The following MACROD2 variants were observed in gnomAD, a reference collection of about 807,000 sequenced individuals.
MACROD2 encodes the protein ADP-ribose glycohydrolase MACROD2.
In MACROD2, 36 loss-of-function variants were observed where a neutral mutation model predicts 70.4. The observed-to-expected ratio is 0.51, with a 90% CI of 0.39 to 0.68. The LOEUF (loss-of-function observed/expected upper bound fraction) is 0.68, where lower values mean the gene tolerates loss of function less well. Among genes scored for constraint, MACROD2 ranks in the 30% least tolerant of loss-of-function variants. The pLI is 0.00. For missense variants in MACROD2, 496 were observed against 538.4 expected, an observed-to-expected ratio of 0.92 and a Z score of 0.78; for synonymous variants, 172 against 178.8, an observed-to-expected ratio of 0.96 and a Z score of 0.30.
intron 10 of MACROD2, among the ~76,000 whole-genome samples, chr20:15,903,170 G>A (rs1413808848): frequency 1.3e-5 from 2 of 152,110 alleles, no homozygotes; most frequent in Non-Finnish European, 2.9e-5. Flanking sequence ...GAGGTCAGGA[G>A]TTCGAGGCTA....
chr20:15,126,014 A>G (rs916673169), intron 5 of MACROD2, among the ~76,000 whole-genome samples: 26 of 150,302 alleles, frequency 1.7e-4, no homozygotes, highest in Admixed American at 1.1e-3. Context: ...TCAGTACTTC[A>G]TTCCTTTTTA....
chr20:14,380,936 T>C (rs1360623685), intron 3 of MACROD2, among the ~76,000 whole-genome samples: 1 of 152,200 alleles, frequency 6.6e-6, no homozygotes, highest in Admixed American at 6.5e-5. Flanking sequence ...CAGTATTCAG[T>C]ATTTATTTGT....
intron 5 of MACROD2, among the ~76,000 whole-genome samples, chr20:14,719,370 T>C (rs2071436152): frequency 6.6e-6 from 1 of 151,936 alleles, no homozygotes; most frequent in Admixed American, 6.6e-5. Context: ...TCCTAGTTTT[T>C]CCCATGGTCT....
intron 6 of MACROD2, among the ~76,000 whole-genome samples, chr20:15,397,267 TCTTG>T (rs1354456279): frequency 1.3e-5 from 2 of 152,142 alleles, no homozygotes; most frequent in East Asian, 1.9e-4. Context: ...TATTTTAGCT[TCTTG>T]CTTTTTCTTT....
intron 8 of MACROD2, among the ~76,000 whole-genome samples, chr20:15,721,813 T>C (rs984126762): frequency 1.3e-5 from 2 of 152,150 alleles, no homozygotes; most frequent in Non-Finnish European, 2.9e-5. Flanking sequence ...CAAATAAATA[T>C]TCCTGATAAC....
intron 5 of MACROD2, among the ~76,000 whole-genome samples, chr20:14,727,642 T>C (rs1932947): frequency 0.93 from 141,172 of 152,268 alleles, 65,502 homozygotes; most frequent in East Asian, 1. Flanking sequence ...GTTACCTGCC[T>C]GCTATACCAA....
chr20:15,016,222 G>C (rs6074823), intron 5 of MACROD2, among the ~76,000 whole-genome samples: 19,518 of 152,184 alleles, frequency 0.13, 1,716 homozygotes, highest in East Asian at 0.3. Flanking sequence ...TATTATAACA[G>C]TCATGAAAAG....
chr20:14,610,143 A>G (rs984687958), intron 4 of MACROD2, among the ~76,000 whole-genome samples: 2 of 152,172 alleles, frequency 1.3e-5, no homozygotes, highest in Admixed American at 6.6e-5. Context: ...CAAGAACAGC[A>G]AAACTAACTT....
At chr20:14,411,910 G>A (rs1441852939) in intron 3 of MACROD2, among the ~76,000 whole-genome samples, 2 of 152,072 alleles carry the variant, frequency 1.3e-5, no homozygotes. Context: ...CTTAAAACCA[G>A]TGGAAGACGG....
At chr20:15,933,186 C>A in intron 10 of MACROD2, 90 bp from the exon 11 acceptor site, 1 of 1,283,732 alleles carries the variant, frequency 7.8e-7, no homozygotes, top group Non-Finnish European at 1.1e-6. Flanking sequence ...ACATTGGTTA[C>A]AATTAATTTC....
intron 5 of MACROD2, among the ~76,000 whole-genome samples, chr20:14,836,059 A>C (rs1170109775): frequency 6.6e-6 from 1 of 152,100 alleles, no homozygotes; most frequent in East Asian, 1.9e-4. Flanking sequence ...CCCAAAGAGT[A>C]GATTATTTGT....
chr20:14,111,486 T>G (rs922193023), intron 3 of MACROD2, among the ~76,000 whole-genome samples: 1 of 151,958 alleles, frequency 6.6e-6, no homozygotes, highest in African/African-American at 2.4e-5. Flanking sequence ...AACCAGAATA[T>G]GTAAGGAGCT....
chr20:14,741,248 G>C (rs1259389141), intron 5 of MACROD2, among the ~76,000 whole-genome samples: 1 of 152,046 alleles, frequency 6.6e-6, no homozygotes, highest in African/African-American at 2.4e-5. Context: ...ACTTGATTTA[G>C]GCACTCTGTT....
At chr20:15,663,076 G>C (rs1291865505) in intron 8 of MACROD2, among the ~76,000 whole-genome samples, 2 of 152,150 alleles carry the variant, frequency 1.3e-5, no homozygotes, top group Admixed American at 1.3e-4. Flanking sequence ...TCAGCTGGCT[G>C]TAAGACAAAC....
intron 8 of MACROD2, among the ~76,000 whole-genome samples, chr20:15,656,330 C>T (rs2049730259): frequency 6.6e-6 from 1 of 152,252 alleles, no homozygotes; most frequent in Middle Eastern, 3.4e-3. Context: ...TTTAGCTATG[C>T]CCTGCAATCT....
chr20:14,809,025 C>CG (rs1307613240), intron 5 of MACROD2, among the ~76,000 whole-genome samples: 1 of 151,730 alleles, frequency 6.6e-6, no homozygotes, highest in Non-Finnish European at 1.5e-5. Context: ...ATTAGATCAA[C>CG]GAGACAGAAA....
intron 3 of MACROD2, among the ~76,000 whole-genome samples, chr20:14,205,133 A>G (rs1300502378): frequency 6.6e-6 from 1 of 152,192 alleles, no homozygotes; most frequent in Non-Finnish European, 1.5e-5. Context: ...AGGAATCTGT[A>G]TTGTGGCATT....
At chr20:14,470,130 T>A (rs1190984148) in intron 3 of MACROD2, among the ~76,000 whole-genome samples, 1 of 152,264 alleles carries the variant, frequency 6.6e-6, no homozygotes, top group East Asian at 1.9e-4. Context: ...ACATCCTTTT[T>A]GTTGATGTTC....
chr20:15,505,299 G>A (rs1018845371), intron 8 of MACROD2, among the ~76,000 whole-genome samples: 3 of 152,086 alleles, frequency 2.0e-5, no homozygotes, highest in Admixed American at 6.6e-5. Flanking sequence ...CAGGGAATAC[G>A]GCTTCTAAGA....
Sources: allele counts gnomAD v4.1 joint callset (sites outside exome capture counted in the v4.1 genomes callset), GRCh38; gene constraint gnomAD v4.1.1; transcripts MANE v1.5; gene names NCBI Gene and HGNC (gene_info 2026-07-23, HGNC 2026-07-21).